Variants in EXOC6B observed in about 807,000 individuals in gnomAD.
The protein encoded by EXOC6B is SEC15 homolog B.
EXOC6B carries 54 observed loss-of-function variants against 113.5 expected under a neutral mutation model. The ratio of observed to expected loss-of-function variants is 0.48; its 90% confidence interval spans 0.38 to 0.60. The LOEUF is 0.60. EXOC6B is among the 20% of genes least tolerant of loss of function. The pLI is 0.00. For missense variants in EXOC6B, 797 were observed against 977.5 expected (o/e 0.82, Z 2.46); for synonymous variants, 357 against 339.0 (o/e 1.05, Z -0.58).
intron 6 of EXOC6B, among the ~76,000 whole-genome samples, chr2:72,595,284 GATATATATATCTATAT>G (rs1299446470): frequency 6.9e-6 from 1 of 145,622 alleles, no homozygotes; most frequent in African/African-American, 2.5e-5. Flanking sequence ...TAGATATATA[GATATATATATCTATAT>G]ATATATATGA....
chr2:72,514,597 A>AT (rs1558751166), intron 10 of EXOC6B, 37 bp downstream of exon 10: 145 of 207,432 alleles, frequency 7.0e-4, no homozygotes, highest in African/African-American at 1.6e-3. Flanking sequence ...TAAATAAATA[A>AT]ATAAATAAAT....
chr2:72,731,604 A>G (rs1387714480), intron 3 of EXOC6B, among the ~76,000 whole-genome samples: 1 of 152,224 alleles, frequency 6.6e-6, no homozygotes, highest in Non-Finnish European at 1.5e-5. Flanking sequence ...AAAGTAATTC[A>G]CTTTTATTCC....
At chr2:72,542,620 T>C (rs1036179133) in intron 8 of EXOC6B, among the ~76,000 whole-genome samples, 20 of 152,358 alleles carry the variant, frequency 1.3e-4, no homozygotes, top group African/African-American at 4.6e-4. Flanking sequence ...GCTCCAGCTA[T>C]GGTATTTGTT....
rs563766014 is a variant in EXOC6B at position 72,570,992 on chromosome 2, C to T, written c.846+4500G>A. ...ACATTATTTCATTCAATCCTCACAA[C>T]AAGCCTATTCTCAGTAGATATTATC... On this transcript the variant is annotated intron_variant, in intron 7 of 21. Transcript: ENST00000272427. Among the ~76,000 whole-genome samples, 266 of 152,304 alleles carry T rather than the reference C, an allele frequency of 1.7e-3. 1 individual carries two copies. The highest frequency in any genetic ancestry group is 2.9e-3 in the Non-Finnish European group (194 of 68,022).
intron 17 of EXOC6B, among the ~76,000 whole-genome samples, chr2:72,468,826 A>G (rs573948817): frequency 6.6e-6 from 1 of 152,218 alleles, no homozygotes; most frequent in East Asian, 1.9e-4. Flanking sequence ...TAGTTTTTCA[A>G]CAGGTCTTCT....
intron 6 of EXOC6B, among the ~76,000 whole-genome samples, chr2:72,703,981 T>C (rs1039096614): frequency 2.3e-4 from 35 of 152,050 alleles, no homozygotes; most frequent in African/African-American, 7.0e-4. Context: ...GCGGACCTAA[T>C]AGACATCTAC....
At chr2:72,465,090 T>C in intron 18 of EXOC6B, 70 bp downstream of exon 18, 2 of 1,345,172 alleles carry the variant, frequency 1.5e-6, no homozygotes, top group Non-Finnish European at 2.1e-6. Context: ...GAAACTAACA[T>C]CTTTCACCAA....
intron 20 of EXOC6B, among the ~76,000 whole-genome samples, chr2:72,222,067 A>G (rs1250324897): frequency 6.6e-6 from 1 of 152,224 alleles, no homozygotes; most frequent in African/African-American, 2.4e-5. Context: ...TGAACTCACC[A>G]TGATAAGTCA....
At chr2:72,707,706 C>G (rs1241010737) in intron 6 of EXOC6B, among the ~76,000 whole-genome samples, 1 of 152,092 alleles carries the variant, frequency 6.6e-6, no homozygotes, top group Non-Finnish European at 1.5e-5. Flanking sequence ...GCCACCGCAC[C>G]CAGCCTATTT....
intron 6 of EXOC6B, among the ~76,000 whole-genome samples, chr2:72,675,124 C>T (rs952749564): frequency 6.6e-6 from 1 of 152,180 alleles, no homozygotes; most frequent in African/African-American, 2.4e-5. Context: ...CAGGTATACA[C>T]CCAAAACAGT....
In EXOC6B at chr2:72,602,641, A is replaced by G. The variant is rs538868124; in HGVS notation, c.670-26973T>C. ...ACAATTTGTGAGTTCATGTCAAAAT[A>G]TGCTTTTGATTATAAATACTACATA... On this transcript the variant is annotated intron_variant, in intron 6 of 21. Coordinates refer to ENST00000272427, the MANE Select transcript of EXOC6B (RefSeq NM_015189.3). 3.3e-5 allele frequency among the ~76,000 whole-genome samples: 5 copies of G among 152,356 alleles called. No homozygotes were observed. In the East Asian group the frequency reaches 5.8e-4, roughly 18 times the overall value.
chr2:72,717,423 T>C (rs986247013), intron 6 of EXOC6B, among the ~76,000 whole-genome samples: 2 of 152,148 alleles, frequency 1.3e-5, no homozygotes, highest in Non-Finnish European at 1.5e-5. Flanking sequence ...TCATCAGGTA[T>C]ACTAAAAATT....
intron 13 of EXOC6B, among the ~76,000 whole-genome samples, chr2:72,498,231 C>T (rs1205831835): frequency 6.6e-6 from 1 of 152,094 alleles, no homozygotes; most frequent in African/African-American, 2.4e-5. Context: ...TGGGGACTTC[C>T]CACTACAGTA....
intron 6 of EXOC6B, among the ~76,000 whole-genome samples, chr2:72,604,800 A>G (rs1211270892): frequency 6.6e-6 from 1 of 152,212 alleles, no homozygotes; most frequent in Non-Finnish European, 1.5e-5. Flanking sequence ...CTTCCTAGTT[A>G]ATAAAGTCTT....
At chr2:72,505,133 CTTT>C (rs1700531852) in intron 11 of EXOC6B, among the ~76,000 whole-genome samples, 3 of 151,942 alleles carry the variant, frequency 2.0e-5, no homozygotes, top group Admixed American at 2.0e-4. Flanking sequence ...ATGGATAGTG[CTTT>C]TAGTTTTCAG....
intron 1 of EXOC6B, among the ~76,000 whole-genome samples, chr2:72,780,370 T>G (rs1022169473): frequency 6.6e-5 from 10 of 152,232 alleles, no homozygotes; most frequent in African/African-American, 2.2e-4. Flanking sequence ...GAACAAGCTC[T>G]AACACTTTAT....
intron 6 of EXOC6B, among the ~76,000 whole-genome samples, chr2:72,662,272 C>T (rs1675075982): frequency 6.6e-6 from 1 of 152,126 alleles, no homozygotes; most frequent in South Asian, 2.1e-4. Flanking sequence ...TAGCATAAGA[C>T]AAAAAGTTCT....
At chr2:72,414,603 T>C (rs1694402039) in intron 18 of EXOC6B, among the ~76,000 whole-genome samples, 2 of 152,300 alleles carry the variant, frequency 1.3e-5, no homozygotes, top group East Asian at 1.9e-4. Context: ...AAGAAACAGA[T>C]GCACTCAGTG....
intron 6 of EXOC6B, among the ~76,000 whole-genome samples, chr2:72,607,268 TAA>T (rs1300560561): frequency 6.6e-6 from 1 of 152,132 alleles, no homozygotes; most frequent in Non-Finnish European, 1.5e-5. Flanking sequence ...GTTCCTGACA[TAA>T]AGGATTAGCT....
Sources: allele counts gnomAD v4.1 joint callset (sites outside exome capture counted in the v4.1 genomes callset), GRCh38; gene constraint gnomAD v4.1.1; transcripts MANE v1.5; gene names NCBI Gene and HGNC (gene_info 2026-07-23, HGNC 2026-07-21).